NUMA1: variants seen among roughly 807,000 people sequenced by gnomAD.
NUMA1 encodes nuclear mitotic apparatus protein 1.
A neutral mutation model predicts 237.1 loss-of-function variants in NUMA1; 62 were observed. That is an observed-to-expected ratio of 0.26 (90% CI 0.21 to 0.32). The LOEUF is 0.32. NUMA1 is among the 10% of genes least tolerant of loss of function. The probability of loss-of-function intolerance (pLI) is 1.00; values close to 1 mark genes in which losing one functional copy is unlikely to be tolerated. For missense variants in NUMA1, 2,533 were observed against 2,666.5 expected (o/e 0.95, Z 1.10); for synonymous variants, 1,028 against 1,066.1 (o/e 0.96, Z 0.70).
chr11:72,042,128 T>A (rs1429611415), intron 2 of NUMA1: 1 of 152,230 alleles, frequency 6.6e-6, no homozygotes, highest in African/African-American at 2.4e-5. Flanking sequence ...TTCTCCTACA[T>A]GGCTGAAAAC....
At position 72,015,616 on chromosome 11, in the gene NUMA1, T is replaced by G; in HGVS notation, c.1887A>C (p.Glu629Asp). 1 of 1,613,742 alleles carries G rather than the reference T, an allele frequency of 6.2e-7. No homozygotes were observed. The highest frequency in any genetic ancestry group is 1.1e-5 in the South Asian group (1 of 91,086). Residue 629 changes from glutamate to aspartate, a missense_variant, in exon 15 of 27, where the codon GAA becomes GAC. Glu to Asp is a conservative substitution (Grantham distance 45, BLOSUM62 2). This residue lies in a region of NUMA1 where 1,414 missense variants were observed against 1,508.1 expected (regional missense o/e 0.94). Coordinates refer to ENST00000393695, the MANE Select transcript of NUMA1 (RefSeq NM_006185.4). This position sits in a 1 kb window ranked among gnomAD's most constrained non-coding sequence, Gnocchi z 4.0. Reference protein sequence around the residue: ...ILQQQLQVANEARDSAQTSVT... With the variant: ...ILQQQLQVANDARDSAQTSVT... ...CTGAGGTCTGGGCACTGTCCCGGGC[T>G]TCATTAGCCACCTGAAGTTGCTGCT... is the stretch of plus-strand genomic sequence containing the variant.
chr11:72,078,880 C>T (rs1285340850), intron 1 of NUMA1, among the ~76,000 whole-genome samples: 1 of 152,196 alleles, frequency 6.6e-6, no homozygotes, highest in Admixed American at 6.5e-5. Context: ...TAAAGATCTC[C>T]ACAAAGCAGA....
At chr11:72,022,906 C>G (rs1315742805) in intron 6 of NUMA1, among the ~76,000 whole-genome samples, 159 bp downstream of exon 6, 1 of 152,092 alleles carries the variant, frequency 6.6e-6, no homozygotes, top group African/African-American at 2.4e-5. Context: ...GCCTCTGTCT[C>G]AAGACAGGTG....
At chr11:72,062,865 G>A (rs898845935) in intron 2 of NUMA1, among the ~76,000 whole-genome samples, 1 of 152,116 alleles carries the variant, frequency 6.6e-6, no homozygotes, top group Non-Finnish European at 1.5e-5. Flanking sequence ...CTGAGGTCAA[G>A]AGTTTGAAAC....
rs764736611 is a variant in NUMA1 at position 72,007,439 on chromosome 11, T to C, written c.5217-4A>G. The C allele has an allele frequency of 2.5e-6, 4 of 1,613,092 alleles. No individual in the cohort carries two copies. In the South Asian group the frequency reaches 3.3e-5, roughly 13 times the overall value. On this transcript the variant is annotated splice_polypyrimidine_tract_variant and splice_region_variant and intron_variant, in intron 20 of 26. Transcript: ENST00000393695. ...TGGCTGGGTACGAGGCAGCTTGCTA[T>C]GGAAAGGAAACCTGCTGAGGTACAG...
Position 72,013,907 on chromosome 11 carries a change from A to G in NUMA1, c.3596T>C (p.Val1199Ala), listed in dbSNP as rs1236588886. 6.2e-7 allele frequency: 1 copy of G among 1,613,850 alleles called. No individual in the cohort carries two copies. Among genetic ancestry groups the G allele is most frequent in the South Asian group, 1.1e-5 (1 of 91,078 alleles). ...QRELAAFRTK[V>A]QDHSKAEDEW... ...ATCTTCAGCCTTGCTGTGGTCTTGT[A>G]CCTTGGTGCGGAAGGCAGCCAACTC... The change falls in exon 15 of 27, where the codon GTA becomes GCA. Residue 1199 changes from valine (V) to alanine (A), a missense_variant. Around this residue, in one of 3 missense-constraint regions of NUMA1, gnomAD observed 1,414 missense variants for 1,508.1 expected, o/e 0.94. Coordinates refer to ENST00000393695, the MANE Select transcript of NUMA1 (RefSeq NM_006185.4). The surrounding 1 kb of genome is among the most constrained non-coding windows in gnomAD (Gnocchi z 6.8).
chr11:72,005,707 G>C, intron 22 of NUMA1: 1 of 496,430 alleles, frequency 2.0e-6, no homozygotes, highest in African/African-American at 2.0e-5. Flanking sequence ...CAAAGGACAA[G>C]AGCTTCCAAG....
At chr11:72,078,023 A>G (rs1170137943) in intron 1 of NUMA1, among the ~76,000 whole-genome samples, 2 of 152,164 alleles carry the variant, frequency 1.3e-5, no homozygotes, top group East Asian at 1.9e-4. Context: ...CTAACAATAC[A>G]AAACAATAAA....
At chr11:72,017,863 GTC>G in intron 12 of NUMA1, 36 bp from the exon 13 acceptor site, 1 of 13,616 alleles carries the variant, frequency 7.3e-5, no homozygotes, top group Non-Finnish European at 2.7e-4. Flanking sequence ...ATCACCCAGA[GTC>G]AACGCTGACC....
chr11:72,074,838 A>G (rs1943633719), intron 1 of NUMA1, among the ~76,000 whole-genome samples: 1 of 152,136 alleles, frequency 6.6e-6, no homozygotes. Context: ...GTTCGAGACC[A>G]GCCTGGGCAA....
chr11:72,004,599 A>G (rs772384286), intron 24 of NUMA1, 41 bp downstream of exon 24: 10 of 1,592,412 alleles, frequency 6.3e-6, no homozygotes, highest in Middle Eastern at 2.2e-4. Context: ...GCCTGACCTG[A>G]GCACAGTGCT....
Position 72,018,304 on chromosome 11 carries a change from C to CG in NUMA1, c.861-5dup, listed in dbSNP as rs768167453. 4 of 1,613,222 alleles carry CG rather than the reference C, an allele frequency of 2.5e-6. No homozygotes were observed. The highest frequency in any genetic ancestry group is 3.4e-6 in the Non-Finnish European group (4 of 1,179,218). On this transcript the variant is annotated splice_region_variant and splice_polypyrimidine_tract_variant and intron_variant, in intron 11 of 26. Transcript: ENST00000393695. ...TTCATGCAGCCGCATGGTAAGGCTG[C>CG]GAGGGAGGGAAGCAGTGAGAAGAGA... is the stretch of plus-strand genomic sequence containing the variant.
intron 16 of NUMA1, among the ~76,000 whole-genome samples, chr11:72,012,011 C>T (rs1253955478): frequency 6.6e-6 from 1 of 152,202 alleles, no homozygotes; most frequent in Admixed American, 6.5e-5. Flanking sequence ...CCATGTTAAA[C>T]AAGGCCGACA....
Position 72,004,817 on chromosome 11 carries a change from C to A in NUMA1, c.5830-1G>T. 1 of 1,564,766 alleles carries A rather than the reference C, an allele frequency of 6.4e-7. No homozygotes were observed. The highest frequency in any genetic ancestry group is 1.2e-5 in the South Asian group (1 of 82,682). On this transcript the variant is annotated splice_acceptor_variant, in intron 23 of 26. Coordinates refer to ENST00000393695, the MANE Select transcript of NUMA1 (RefSeq NM_006185.4). LOFTEE classifies it high-confidence loss of function. Reference sequence around the variant, plus strand: ...TGATGGTGCCCAGGCTCAGGGAAGGCTGCATGGGTGGAAGAGGTGGTCAGT... The same window carrying A: ...TGATGGTGCCCAGGCTCAGGGAAGGATGCATGGGTGGAAGAGGTGGTCAGT...
chr11:72,024,158 G>A, intron 5 of NUMA1, 116 bp downstream of exon 5: 1 of 809,118 alleles, frequency 1.2e-6, no homozygotes, highest in South Asian at 1.5e-5. Context: ...GTGTTAAAGA[G>A]TGGGGAGCCT....
rs1955384264 is a variant in NUMA1 at position 72,003,250 on chromosome 11, GTTGTGATGGAGAAGTGA to G, written c.*260_*276del. The G allele has an allele frequency of 9.9e-6, 5 of 504,616 alleles. 1 individual carries two copies. In the South Asian group the frequency reaches 1.3e-4, roughly 13 times the overall value. The allele number at this position is 504,616 out of a possible 1,614,324, so 31.3% of individuals were successfully genotyped here. On this transcript the variant is annotated 3_prime_UTR_variant, in exon 27 of 27. Transcript: ENST00000393695. The stretch of plus-strand genomic sequence containing the variant: ...GCCATCAAAACCAGCCTCAAATCTG[GTTGTGATGGAGAAGTGA>G]CTTTGCTTTAAGAAAAAAGGAGGCA...
chr11:72,003,580 T>C, intron 26 of NUMA1, 42 bp from the exon 27 acceptor site: 2 of 1,613,594 alleles, frequency 1.2e-6, no homozygotes, highest in South Asian at 1.1e-5. Context: ...GAACTTGCGA[T>C]ACTAGCCTGC....
In NUMA1 at chr11:72,017,803, G is replaced by A; in HGVS notation, c.1003C>T (p.Gln335Ter). 6.2e-7 allele frequency: 1 copy of A among 1,607,340 alleles called. No homozygotes were observed. Among genetic ancestry groups the A allele is most frequent in the Non-Finnish European group, 8.5e-7 (1 of 1,175,416 alleles). ...FKLREFASHL[Q>*]QLQDALNELT... Reference sequence around the variant, plus strand: ...TCATTGAGGGCATCCTGTAGCTGCTGCAGATGACTGGCAAACTCCCGCAGC... The same window carrying A: ...TCATTGAGGGCATCCTGTAGCTGCTACAGATGACTGGCAAACTCCCGCAGC... The change falls in exon 13 of 27, where the codon CAG becomes TAG. Residue 335 changes from glutamine (Q) to a stop codon, truncating the protein, a stop_gained. Coordinates refer to ENST00000393695, the MANE Select transcript of NUMA1 (RefSeq NM_006185.4). LOFTEE classifies it high-confidence loss of function.
At chr11:72,072,885 A>C (rs1360475067) in intron 1 of NUMA1, among the ~76,000 whole-genome samples, 1 of 151,760 alleles carries the variant, frequency 6.6e-6, no homozygotes, top group Non-Finnish European at 1.5e-5. Flanking sequence ...TACTAAAGAT[A>C]CAAAAAATTA....
Sources: gnomAD v4.1 joint callset for allele counts (sites outside exome capture counted in the v4.1 genomes callset) on GRCh38, gnomAD v4.1.1 for gene constraint, gnomAD v4.1.1 regional missense constraint, Gnocchi (gnomAD v3.1) non-coding constraint, MANE v1.5 for transcripts, NCBI Gene and HGNC (gene_info 2026-07-23, HGNC 2026-07-21) for gene names.